Variants in EYA2 observed in about 807,000 individuals in gnomAD.
EYA2 encodes EYA transcriptional coactivator and phosphatase 2, also known as protein phosphatase EYA2.
In EYA2, 31 loss-of-function variants were observed where a neutral mutation model predicts 69.2. The ratio of observed to expected loss-of-function variants is 0.45; its 90% confidence interval spans 0.34 to 0.60. EYA2 has a LOEUF of 0.60. EYA2 is among the 20% of genes least tolerant of loss of function. The pLI, the probability that EYA2 is intolerant of heterozygous loss-of-function variation, is 0.02. For missense variants in EYA2, 622 were observed against 701.2 expected (o/e 0.89, Z 1.28); for synonymous variants, 257 against 279.4 (o/e 0.92, Z 0.80).
At chr20:47,081,807 A>G (rs990773529) in intron 7 of EYA2, among the ~76,000 whole-genome samples, 5 of 150,172 alleles carry the variant, frequency 3.3e-5, no homozygotes, top group East Asian at 1.9e-4. Context: ...GAAAGAAAAA[A>G]AGAGAGAGAG....
intron 5 of EYA2, among the ~76,000 whole-genome samples, chr20:47,018,530 C>T (rs755115099): frequency 3.9e-5 from 6 of 152,152 alleles, no homozygotes; most frequent in Non-Finnish European, 8.8e-5. Flanking sequence ...GAGTGGTGAT[C>T]GGCATTCAGC....
intron 9 of EYA2, among the ~76,000 whole-genome samples, chr20:47,123,549 C>A (rs1488355262): frequency 6.6e-6 from 1 of 152,092 alleles, no homozygotes; most frequent in African/African-American, 2.4e-5. Context: ...TAGTCAGGGC[C>A]ATGAGCACAA....
At chr20:46,900,911 C>T (rs778974985) in intron 1 of EYA2, among the ~76,000 whole-genome samples, 3 of 152,168 alleles carry the variant, frequency 2.0e-5, no homozygotes, top group Non-Finnish European at 1.5e-5. Flanking sequence ...AGAAGCCAAA[C>T]CAACATGTAT....
chr20:46,895,403 T>C (rs1983753221), intron 1 of EYA2, among the ~76,000 whole-genome samples: 1 of 152,222 alleles, frequency 6.6e-6, no homozygotes, highest in South Asian at 2.1e-4. Flanking sequence ...CCTCAGGTAG[T>C]GTTTATGGGA....
Position 47,109,413 on chromosome 20 carries a change from A to G in EYA2, c.888+12245A>G, listed in dbSNP as rs141016594. Among the ~76,000 whole-genome samples the G allele has an allele frequency of 4.9e-4, 75 of 152,166 alleles. 1 individual carries two copies. Among genetic ancestry groups the G allele is most frequent in the African/African-American group, 1.7e-3 (71 of 41,518 alleles). ...GTGCTCCTTTCCCTCCCCTCCCTATATAGCTCAGTGTATAGCCTTTTGTTT... is the reference window on the plus strand; with the variant it reads ...GTGCTCCTTTCCCTCCCCTCCCTATGTAGCTCAGTGTATAGCCTTTTGTTT... On this transcript the variant is annotated intron_variant, in intron 9 of 15. Transcript: ENST00000327619.
chr20:47,172,297 G>A (rs1168083537), intron 11 of EYA2, among the ~76,000 whole-genome samples: 4 of 151,888 alleles, frequency 2.6e-5, no homozygotes, highest in Admixed American at 1.3e-4. Context: ...TTAGCCAAGT[G>A]TGGTGGCGCA....
chr20:46,961,504 G>T (rs576013008), intron 1 of EYA2, among the ~76,000 whole-genome samples: 115 of 152,292 alleles, frequency 7.6e-4, no homozygotes, highest in Middle Eastern at 3.4e-3. Flanking sequence ...ATATGATCCA[G>T]CGATCCCACT....
intron 9 of EYA2, among the ~76,000 whole-genome samples, chr20:47,139,528 G>A (rs1312507729): frequency 2.0e-5 from 3 of 151,436 alleles, no homozygotes; most frequent in South Asian, 4.2e-4. Flanking sequence ...CTCCTCCTGG[G>A]TTCAAGCAAT....
At chr20:46,914,052 C>T (rs1984778741) in intron 1 of EYA2, among the ~76,000 whole-genome samples, 1 of 152,200 alleles carries the variant, frequency 6.6e-6, no homozygotes. Flanking sequence ...CCCGTTCCTC[C>T]TCTTCGTTTT....
At chr20:47,090,281 C>A (rs2032039567) in intron 8 of EYA2, among the ~76,000 whole-genome samples, 1 of 149,686 alleles carries the variant, frequency 6.7e-6, no homozygotes, top group Non-Finnish European at 1.5e-5. Flanking sequence ...CCCCCATCAC[C>A]CAGGCTGGAG....
At chr20:46,960,315 A>G (rs1222196729) in intron 1 of EYA2, among the ~76,000 whole-genome samples, 2 of 152,152 alleles carry the variant, frequency 1.3e-5, no homozygotes, top group African/African-American at 4.8e-5. Context: ...GGACACATCT[A>G]GTAGGAGGAG....
intron 5 of EYA2, among the ~76,000 whole-genome samples, chr20:47,069,091 C>T (rs75864805): frequency 0.017 from 2,591 of 152,298 alleles, 59 homozygotes; most frequent in African/African-American, 0.059. Context: ...AGTCCAATTC[C>T]TACCAAAATC....
At chr20:47,074,486 G>C (rs1055121277) in intron 7 of EYA2, 151 bp downstream of exon 7, 9 of 743,416 alleles carry the variant, frequency 1.2e-5, no homozygotes, top group East Asian at 5.6e-5. Flanking sequence ...GGAGGGACCT[G>C]GATATGGGTC....
chr20:47,137,882 C>T (rs1242716798), intron 9 of EYA2, among the ~76,000 whole-genome samples: 1 of 151,536 alleles, frequency 6.6e-6, no homozygotes, highest in South Asian at 2.1e-4. Flanking sequence ...AGTAAACTAT[C>T]GCAAGAACAA....
chr20:47,173,541 G>A (rs552887816), intron 12 of EYA2, among the ~76,000 whole-genome samples: 14 of 135,066 alleles, frequency 1.0e-4, no homozygotes, highest in African/African-American at 3.1e-4. Context: ...AACGTGCAGG[G>A]TCTCAGGCCT....
intron 4 of EYA2, among the ~76,000 whole-genome samples, chr20:47,006,091 C>T (rs886971806): frequency 2.0e-5 from 3 of 152,224 alleles, no homozygotes; most frequent in Admixed American, 6.5e-5. Flanking sequence ...CAGGCTCTCC[C>T]ACTGTGGTGG....
rs117478126 is a variant in EYA2 at position 46,934,009 on chromosome 20, C to T, written c.-11+39022C>T. Among the ~76,000 whole-genome samples, 340 of 152,346 alleles carry T rather than the reference C, an allele frequency of 2.2e-3. 1 individual carries two copies. Among genetic ancestry groups the T allele is most frequent in the Admixed American group, 4.6e-3 (71 of 15,300 alleles). On this transcript the variant is annotated intron_variant, in intron 1 of 15. Transcript: ENST00000327619. ...GAATTTGGAGATAAGTGAGGCTTAG[C>T]CCATGCTCTCAAGACCTCACGTGAC...
At chr20:47,163,809 C>T (rs887415013) in intron 10 of EYA2, among the ~76,000 whole-genome samples, 2 of 151,248 alleles carry the variant, frequency 1.3e-5, no homozygotes, top group Non-Finnish European at 1.5e-5. Flanking sequence ...ATCAAGGGAA[C>T]TTTAGGTGTT....
chr20:47,036,771 C>A (rs981684600), intron 5 of EYA2, among the ~76,000 whole-genome samples: 5 of 152,168 alleles, frequency 3.3e-5, no homozygotes, highest in Non-Finnish European at 7.4e-5. Flanking sequence ...ATGTCACCTG[C>A]ATAACCAAGT....
Sources: allele counts gnomAD v4.1 joint callset (sites outside exome capture counted in the v4.1 genomes callset), GRCh38; gene constraint gnomAD v4.1.1; transcripts MANE v1.5; gene names NCBI Gene and HGNC (gene_info 2026-07-23, HGNC 2026-07-21).